The following IP6K1 variants were observed in gnomAD, a reference collection of about 807,000 sequenced individuals.
IP6K1 encodes inositol hexakisphosphate kinase 1, also known as ATP:1D-myo-inositol-hexakisphosphate phosphotransferase.
IP6K1 carries 13 observed loss-of-function variants against 38.3 expected under a neutral mutation model. The ratio of observed to expected loss-of-function variants is 0.34; its 90% CI spans 0.22 to 0.54. The LOEUF (loss-of-function observed/expected upper bound fraction) is 0.54, where lower values mean the gene tolerates loss of function less well. Among genes scored for constraint, IP6K1 ranks in the 20% least tolerant of loss-of-function variants. The probability of loss-of-function intolerance (pLI) is 0.92; values close to 1 mark genes in which losing one functional copy is unlikely to be tolerated. For missense variants in IP6K1, 397 were observed against 599.8 expected (o/e 0.66, Z 3.53); for synonymous variants, 212 against 229.9 (o/e 0.92, Z 0.70).
chr3:49,752,895 C>G (rs1195740569), intron 1 of IP6K1, among the ~76,000 whole-genome samples: 1 of 151,676 alleles, frequency 6.6e-6, no homozygotes, highest in African/African-American at 2.4e-5. Context: ...GTGGGGACTA[C>G]AAGCGCACCC....
At chr3:49,763,356 C>T (rs951293025) in intron 1 of IP6K1, among the ~76,000 whole-genome samples, 22 of 151,918 alleles carry the variant, frequency 1.4e-4, no homozygotes, top group Non-Finnish European at 7.4e-5. Flanking sequence ...CCACCCGCCT[C>T]GGGCTCCCAA....
rs1398628146 is a variant in IP6K1 at position 49,728,154 on chromosome 3, T to C, written c.741A>G (p.Lys247=). The stretch of plus-strand genomic sequence containing the variant: ...GCGTGGCTGATGTGCTCTGCTCGCA[T>C]TTCCGCATCTGCCGGGCTGCCTTCT... ...SAEKAARQMR[K]CEQSTSATLG... The change falls in exon 5 of 6, where the codon AAA becomes AAG. Residue 247 remains lysine (K), a synonymous_variant. Coordinates refer to ENST00000321599, the MANE Select transcript of IP6K1 (RefSeq NM_153273.4). The C allele has an allele frequency of 6.2e-7, 1 of 1,614,062 alleles. No homozygotes were observed. Among genetic ancestry groups the C allele is most frequent in the African/African-American group, 1.3e-5 (1 of 74,954 alleles).
chr3:49,755,737 A>G (rs889621197), intron 1 of IP6K1, among the ~76,000 whole-genome samples: 6 of 152,200 alleles, frequency 3.9e-5, no homozygotes, highest in African/African-American at 1.4e-4. Context: ...CTTTGACAGG[A>G]AAAGATACCA....
intron 2 of IP6K1, among the ~76,000 whole-genome samples, chr3:49,743,162 G>A (rs1489924705): frequency 6.6e-6 from 1 of 151,902 alleles, no homozygotes; most frequent in African/African-American, 2.4e-5. Context: ...AGAGGTTGCA[G>A]TGAGCCAAGT....
chr3:49,784,845 T>C (rs1312206594), intron 1 of IP6K1, among the ~76,000 whole-genome samples: 1 of 152,048 alleles, frequency 6.6e-6, no homozygotes, highest in Non-Finnish European at 1.5e-5. Context: ...CTCGGGAGGC[T>C]GAGGCAGGAA....
At chr3:49,784,535 C>T (rs1256146250) in intron 1 of IP6K1, among the ~76,000 whole-genome samples, 1 of 151,676 alleles carries the variant, frequency 6.6e-6, no homozygotes, top group Non-Finnish European at 1.5e-5. Context: ...ATCCCAGCTA[C>T]TTGGGAGGCT....
At chr3:49,749,811 T>C (rs1255930053) in intron 1 of IP6K1, among the ~76,000 whole-genome samples, 1 of 151,346 alleles carries the variant, frequency 6.6e-6, no homozygotes, top group Non-Finnish European at 1.5e-5. Context: ...GATTGCACTA[T>C]TTTAATGCAC....
chr3:49,735,427 A>G (rs2080600780), intron 3 of IP6K1, among the ~76,000 whole-genome samples: 1 of 152,210 alleles, frequency 6.6e-6, no homozygotes, highest in African/African-American at 2.4e-5. Flanking sequence ...ATTGTCAGCT[A>G]CAGACTTGGG....
rs182314115 is a variant in IP6K1, at chr3:49,771,315, T to C, written c.-129+15039A>G. Among the ~76,000 whole-genome samples, 9 of 150,206 alleles carry C rather than the reference T, an allele frequency of 6.0e-5. No individual in the cohort carries two copies. In the East Asian group the frequency reaches 1.8e-3, roughly 30 times the overall value. ...AAGTTCAAGTCCAGCTTGGGCAACA[T>C]AGGGAGGCCCTATCTCTAAAAGATA... On this transcript the variant is annotated intron_variant, in intron 1 of 5. Coordinates refer to ENST00000321599, the MANE Select transcript of IP6K1 (RefSeq NM_153273.4).
intron 1 of IP6K1, among the ~76,000 whole-genome samples, chr3:49,751,217 G>A (rs895142412): frequency 3.9e-5 from 6 of 151,948 alleles, no homozygotes; most frequent in African/African-American, 9.7e-5. Context: ...GTGCAGTGGC[G>A]CGATCTCGGC....
intron 1 of IP6K1, among the ~76,000 whole-genome samples, chr3:49,778,153 G>A (rs1424411782): frequency 6.6e-6 from 1 of 151,436 alleles, no homozygotes; most frequent in Non-Finnish European, 1.5e-5. Flanking sequence ...GTGAAACCCC[G>A]TCTGTACTAA....
chr3:49,761,693 C>A (rs1243190013), intron 1 of IP6K1, among the ~76,000 whole-genome samples: 1 of 151,924 alleles, frequency 6.6e-6, no homozygotes, highest in Non-Finnish European at 1.5e-5. Context: ...ATGGCTTGCA[C>A]CTGTAAACCC....
At chr3:49,784,997 T>G (rs949396793) in intron 1 of IP6K1, among the ~76,000 whole-genome samples, 1 of 152,150 alleles carries the variant, frequency 6.6e-6, no homozygotes, top group East Asian at 1.9e-4. Context: ...TATTGTCGCT[T>G]GACTTCTTAG....
At chr3:49,744,401 CAAAAAAAAAAAAAAAAA>C (rs56916226) in intron 2 of IP6K1, among the ~76,000 whole-genome samples, 2 of 76,178 alleles carry the variant, frequency 2.6e-5, no homozygotes, top group Non-Finnish European at 4.5e-5. Flanking sequence ...GACTCCGTCT[CAAAAAAAAAAAAAAAAA>C]AAAAAAAAAA....
At chr3:49,760,221 A>G (rs1019619810) in intron 1 of IP6K1, among the ~76,000 whole-genome samples, 3 of 152,126 alleles carry the variant, frequency 2.0e-5, no homozygotes, top group African/African-American at 7.2e-5. Flanking sequence ...AGTACTTTAA[A>G]TATTAGAAAA....
intron 1 of IP6K1, among the ~76,000 whole-genome samples, chr3:49,752,295 G>A (rs1481634211): frequency 1.3e-5 from 2 of 152,008 alleles, no homozygotes; most frequent in Non-Finnish European, 2.9e-5. Context: ...AGACCATCCT[G>A]GCTAACACAG....
chr3:49,738,148 T>C, intron 3 of IP6K1, 64 bp downstream of exon 3: 1 of 1,307,652 alleles, frequency 7.6e-7, no homozygotes, highest in Non-Finnish European at 1.1e-6. Context: ...TTCCCCATGA[T>C]GTGTCAGGAC....
chr3:49,765,055 T>C (rs2080900064), intron 1 of IP6K1, among the ~76,000 whole-genome samples: 1 of 152,070 alleles, frequency 6.6e-6, no homozygotes, highest in African/African-American at 2.4e-5. Context: ...TAAACGAGAT[T>C]AACAGCAGAT....
chr3:49,752,756 C>CTT (rs769412230), intron 1 of IP6K1, among the ~76,000 whole-genome samples: 13 of 136,598 alleles, frequency 9.5e-5, no homozygotes, highest in African/African-American at 2.2e-4. Flanking sequence ...TGCGCCTAGC[C>CTT]TTTTTTTTTT....
Sources: gnomAD v4.1 joint callset for allele counts (sites outside exome capture counted in the v4.1 genomes callset) on GRCh38, gnomAD v4.1.1 for gene constraint, MANE v1.5 for transcripts, NCBI Gene and HGNC (gene_info 2026-07-23, HGNC 2026-07-21) for gene names.